Variants in PLAA observed in about 807,000 individuals in gnomAD.
PLAA encodes phospholipase A-2-activating protein.
A neutral mutation model predicts 84.1 loss-of-function variants in PLAA; 48 were observed. The ratio of observed to expected loss-of-function variants is 0.57; its 90% CI spans 0.45 to 0.73. The LOEUF is 0.73. PLAA is among the 30% of genes least tolerant of loss of function. PLAA has a pLI of 0.00. For synonymous variants in PLAA, 392 were observed against 336.6 expected, an observed-to-expected ratio of 1.16 and a Z score of -1.80; for missense variants, 903 against 954.7, an observed-to-expected ratio of 0.95 and a Z score of 0.71.
chr9:26,941,924 A>T (rs1654854220), intron 1 of PLAA, among the ~76,000 whole-genome samples: 1 of 152,294 alleles, frequency 6.6e-6, no homozygotes, highest in South Asian at 2.1e-4. Flanking sequence ...AGGGCCCGCC[A>T]ATGGCCTGGA....
chr9:26,926,883 T>C (rs749141503), intron 4 of PLAA, among the ~76,000 whole-genome samples: 1 of 151,634 alleles, frequency 6.6e-6, no homozygotes, highest in African/African-American at 2.4e-5. Flanking sequence ...GAGTAATTTA[T>C]AAAATATATA....
intron 4 of PLAA, 32 bp downstream of exon 4, chr9:26,928,068 G>C: frequency 1.3e-6 from 2 of 1,571,988 alleles, no homozygotes; most frequent in Non-Finnish European, 1.7e-6. Context: ...AAAAAGCAAT[G>C]ATATTATAAA....
In PLAA at chr9:26,944,467, A is replaced by C. The variant is rs560194587; in HGVS notation, c.149+2430T>G. ...GCATCAATAAGAGCTTAATCACCTAATGACTATGAAACACTCTAACCCTGG... is the reference window on the plus strand; with the variant it reads ...GCATCAATAAGAGCTTAATCACCTACTGACTATGAAACACTCTAACCCTGG... On this transcript the variant is annotated intron_variant, in intron 1 of 13. Transcript: ENST00000397292. Among the ~76,000 whole-genome samples the C allele has an allele frequency of 4.1e-4, 63 of 152,272 alleles. 1 individual carries two copies. Among genetic ancestry groups the C allele is most frequent in the African/African-American group, 1.3e-3 (55 of 41,554 alleles).
chr9:26,934,679 A>T (rs1242878085), intron 2 of PLAA, among the ~76,000 whole-genome samples: 1 of 151,662 alleles, frequency 6.6e-6, no homozygotes, highest in African/African-American at 2.4e-5. Flanking sequence ...GGGGTTTTGC[A>T]ATGTTTTCCA....
chr9:26,915,616 A>C, intron 10 of PLAA: 1 of 819,898 alleles, frequency 1.2e-6, no homozygotes, highest in African/African-American at 1.8e-5. Flanking sequence ...TTTTATTTTC[A>C]TACCTCAATA....
intron 10 of PLAA, among the ~76,000 whole-genome samples, chr9:26,914,939 A>G (rs765340890): frequency 5.9e-5 from 9 of 152,220 alleles, no homozygotes; most frequent in Non-Finnish European, 1.0e-4. Context: ...ATCGCTGGGC[A>G]TGGTGGCTCA....
chr9:26,928,113 C>T lies in PLAA; in HGVS notation c.552G>A (p.Glu184=). 1 of 1,613,886 alleles carries T rather than the reference C, an allele frequency of 6.2e-7. No individual in the cohort carries two copies. Reference sequence around the variant, plus strand: ...CCCTGATCTTACCTGAAAAAGTCCTCTCACATCTTCCAGCCTTCCACAGTT... The same window carrying T: ...CCCTGATCTTACCTGAAAAAGTCCTTTCACATCTTCCAGCCTTCCACAGTT... The part of the protein sequence containing the change: ...TVKLWKAGRC[E]RTFSGHEDCV... The change falls in exon 4 of 14, where the codon GAG becomes GAA. Residue 184 remains glutamate, a synonymous_variant. Transcript: ENST00000397292.
chr9:26,930,392 T>C (rs1825143515), intron 2 of PLAA, among the ~76,000 whole-genome samples: 1 of 151,218 alleles, frequency 6.6e-6, no homozygotes, highest in South Asian at 2.1e-4. Flanking sequence ...CATGAGCCAC[T>C]TCGCCCAGCC....
rs371207880 is a variant in PLAA at position 26,907,604 on chromosome 9, T to C, written c.1822+230A>G. ...AAACAACAACAACAAAAAAACAAAC[T>C]GGTGCATATATGGGGATCATATATT... On this transcript the variant is annotated intron_variant, in intron 13 of 13. Transcript: ENST00000397292. 391 of 440,740 alleles carry C rather than the reference T, an allele frequency of 8.9e-4. 2 individuals are homozygous for C. The highest frequency in any genetic ancestry group is 7.4e-3 in the African/African-American group (353 of 47,740). The allele number at this position is 440,740 out of a possible 1,614,324, so 27.3% of individuals were successfully genotyped here.
chr9:26,913,806 C>A, intron 11 of PLAA, 73 bp downstream of exon 11: 1 of 1,073,182 alleles, frequency 9.3e-7, no homozygotes, highest in Non-Finnish European at 1.4e-6. Flanking sequence ...CACAAATTTT[C>A]TTACTCTTTT....
At chr9:26,910,049 G>T (rs1312689466) in intron 12 of PLAA, among the ~76,000 whole-genome samples, 1 of 151,840 alleles carries the variant, frequency 6.6e-6, no homozygotes, top group African/African-American at 2.4e-5. Flanking sequence ...AATTTTTTTT[G>T]AAAACATTAA....
chr9:26,915,586 C>T, intron 10 of PLAA: 1 of 586,228 alleles, frequency 1.7e-6, no homozygotes, highest in Non-Finnish European at 2.1e-6. Flanking sequence ...TTTTGCTTAA[C>T]ACTTACACAT....
chr9:26,921,893 C>T (rs1055564557), intron 7 of PLAA, among the ~76,000 whole-genome samples: 2 of 152,184 alleles, frequency 1.3e-5, no homozygotes, highest in African/African-American at 2.4e-5. Flanking sequence ...GGTGGAGATA[C>T]ATTTTTCCTA....
intron 6 of PLAA, among the ~76,000 whole-genome samples, chr9:26,923,848 T>C (rs1472706695): frequency 6.6e-6 from 1 of 152,192 alleles, no homozygotes; most frequent in Non-Finnish European, 1.5e-5. Context: ...CCTTAACCTC[T>C]TTTCTCAGAA....
chr9:26,943,882 G>A lies in PLAA; in HGVS notation c.149+3015C>T, dbSNP rs182031668. 2.5e-3 allele frequency among the ~76,000 whole-genome samples: 383 copies of A among 152,282 alleles called. 3 individuals are homozygous for A. The highest frequency in any genetic ancestry group is 8.9e-3 in the African/African-American group (371 of 41,532). On this transcript the variant is annotated intron_variant, in intron 1 of 13. Transcript: ENST00000397292. ...GTGGGAGGATTGTTTGAGCCCAGAA[G>A]GTCGAGGCTGCAATAAGGCAGTGAT...
At position 26,905,424 on chromosome 9, in the gene PLAA, CTTT is replaced by C; in HGVS notation, c.*84_*86del. 1 of 1,048,864 alleles carries C rather than the reference CTTT, an allele frequency of 9.5e-7. No homozygotes were observed. The highest frequency in any genetic ancestry group is 1.4e-6 in the Non-Finnish European group (1 of 717,532). The allele number at this position is 1,048,864 out of a possible 1,614,324, so 65.0% of individuals were successfully genotyped here. The stretch of plus-strand genomic sequence containing the variant: ...AATTTTACTTAATCCACCGTATTCT[CTTT>C]TTTTAATTATCTGTTATCAGTCATG... On this transcript the variant is annotated 3_prime_UTR_variant, in exon 14 of 14. Coordinates refer to ENST00000397292, the MANE Select transcript of PLAA (RefSeq NM_001031689.3).
intron 1 of PLAA, among the ~76,000 whole-genome samples, chr9:26,942,541 G>T (rs549256367): frequency 2.1e-4 from 32 of 152,324 alleles, no homozygotes; most frequent in African/African-American, 7.2e-4. Context: ...TCATAAAATT[G>T]TTGAGGAAGA....
intron 6 of PLAA, among the ~76,000 whole-genome samples, chr9:26,924,633 C>G (rs1394526688): frequency 1.3e-5 from 2 of 152,162 alleles, no homozygotes; most frequent in African/African-American, 4.8e-5. Context: ...TTTGACTCCT[C>G]AAACACTTTT....
intron 6 of PLAA, among the ~76,000 whole-genome samples, chr9:26,925,152 C>T (rs1038169039): frequency 6.6e-6 from 1 of 152,178 alleles, no homozygotes; most frequent in African/African-American, 2.4e-5. Context: ...TATAACTTCA[C>T]ACTCCTTCTG....
Sources: gnomAD v4.1 joint callset for allele counts (sites outside exome capture counted in the v4.1 genomes callset) on GRCh38, gnomAD v4.1.1 for gene constraint, MANE v1.5 for transcripts, NCBI Gene and HGNC (gene_info 2026-07-23, HGNC 2026-07-21) for gene names.